Variants in NKTR observed in about 807,000 individuals in gnomAD.
The protein encoded by NKTR is natural killer cell triggering receptor.
A neutral mutation model predicts 156.3 loss-of-function variants in NKTR; 67 were observed. That is an observed-to-expected ratio of 0.43 (90% CI 0.35 to 0.53). The LOEUF is 0.53. NKTR is among the 20% of genes least tolerant of loss of function. The probability of loss-of-function intolerance (pLI) is 0.01; values close to 1 mark genes in which losing one functional copy is unlikely to be tolerated. For missense variants in NKTR, 1,604 were observed against 1,730.9 expected, an observed-to-expected ratio of 0.93 and a Z score of 1.30; for synonymous variants, 640 against 596.6, an observed-to-expected ratio of 1.07 and a Z score of -1.06.
Position 42,646,602 on chromosome 3 carries a change from A to G in NKTR, c.*627A>G, listed in dbSNP as rs2125830945. On this transcript the variant is annotated 3_prime_UTR_variant, in exon 17 of 17. Coordinates refer to ENST00000232978, the MANE Select transcript of NKTR (RefSeq NM_005385.4). ...CTTCAGGCTTGTGGGCAAGGTTAGG[A>G]AGAATCAATCAGCCTTAACTATAAA... is the stretch of plus-strand genomic sequence containing the variant. 1 of 152,782 alleles carries G rather than the reference A, an allele frequency of 6.5e-6. No homozygotes were observed. Among genetic ancestry groups the G allele is most frequent in the East Asian group, 1.9e-4 (1 of 5,182 alleles). 9.5% of individuals were successfully genotyped at this position (152,782 alleles called of 1,614,324 possible).
rs1559577326 is a variant in NKTR, at chr3:42,632,754, C to G, written c.704C>G (p.Ser235Cys). 6.2e-7 allele frequency: 1 copy of G among 1,612,298 alleles called. No homozygotes were observed. ...AAGAGGAGGCCAAAAGTTAAACGTT[C>G]TAAAAAGAGGCGAAAGGAAGCAAGC... ...KHKRRPKVKR[S>C]KKRRKEASSS... The change falls in exon 9 of 17, where the codon TCT becomes TGT. Residue 235 changes from serine to cysteine, a missense_variant. Around this residue, in one of 6 missense-constraint regions of NKTR, gnomAD observed 1,255 missense variants for 1,243.7 expected, o/e 1.01. Coordinates refer to ENST00000232978, the MANE Select transcript of NKTR (RefSeq NM_005385.4).
At chr3:42,629,440 C>G in intron 6 of NKTR, 2 of 950,238 alleles carry the variant, frequency 2.1e-6, no homozygotes, top group South Asian at 4.9e-5. Flanking sequence ...CATTACAAAT[C>G]CTTGTAGAAT....
chr3:42,624,994 C>G (rs1708243297), intron 6 of NKTR, among the ~76,000 whole-genome samples: 1 of 152,042 alleles, frequency 6.6e-6, no homozygotes, highest in Admixed American at 6.6e-5. Context: ...TTTTAGTTTC[C>G]TATGTACCTT....
chr3:42,634,798 C>A, intron 11 of NKTR, 98 bp downstream of exon 11: 1 of 641,798 alleles, frequency 1.6e-6, no homozygotes, highest in Admixed American at 3.2e-5. Context: ...AATACAAAAT[C>A]TGTTCAAGGA....
chr3:42,622,565 AG>A (rs1708013873), intron 6 of NKTR, among the ~76,000 whole-genome samples: 1 of 152,082 alleles, frequency 6.6e-6, no homozygotes, highest in Non-Finnish European at 1.5e-5. Context: ...AGTTCAGATA[AG>A]GGGCATTCTG....
rs1425109677 is a variant in NKTR, at chr3:42,647,053, T to G, written c.*1078T>G. 1 of 152,146 alleles carries G rather than the reference T, an allele frequency of 6.6e-6. No homozygotes were observed. Among genetic ancestry groups the G allele is most frequent in the Non-Finnish European group, 1.5e-5 (1 of 68,040 alleles). The allele number at this position is 152,146 out of a possible 1,614,324, so 9.4% of individuals were successfully genotyped here. On this transcript the variant is annotated 3_prime_UTR_variant, in exon 17 of 17. Transcript: ENST00000232978. The stretch of plus-strand genomic sequence containing the variant: ...CATTTTGCAGGGCTTTCCTTTCAAG[T>G]CTTTCAAGTACAGGATATTACCACA...
chr3:42,611,158 C>T (rs561605312), intron 2 of NKTR: 1 of 152,256 alleles, frequency 6.6e-6, no homozygotes, highest in Non-Finnish European at 1.5e-5. Flanking sequence ...CTTTGATTCT[C>T]TGATCTGCAC....
chr3:42,606,542 A>G (rs1706255241), intron 2 of NKTR, among the ~76,000 whole-genome samples: 2 of 152,198 alleles, frequency 1.3e-5, no homozygotes, highest in South Asian at 4.1e-4. Context: ...ACAGTGCTGT[A>G]AAGTGAAATC....
chr3:42,620,073 T>A (rs1210586727), intron 5 of NKTR: 2 of 1,533,358 alleles, frequency 1.3e-6, no homozygotes, highest in Admixed American at 3.9e-5. Flanking sequence ...TAACACAAAC[T>A]CCAATTCTGT....
intron 6 of NKTR, chr3:42,628,738 A>G (rs1019319557): frequency 1.0e-6 from 1 of 961,920 alleles, no homozygotes; most frequent in African/African-American, 1.8e-5. Flanking sequence ...GTGGTGGCTC[A>G]TGCCTATAAT....
intron 5 of NKTR, 47 bp downstream of exon 5, chr3:42,619,755 A>T: frequency 2.5e-6 from 4 of 1,603,054 alleles, no homozygotes; most frequent in Non-Finnish European, 3.4e-6. Context: ...CTGATATTAA[A>T]GCAAGTTTGA....
At chr3:42,627,855 T>TA (rs1327457576) in intron 6 of NKTR, 1 of 985,288 alleles carries the variant, frequency 1.0e-6, no homozygotes, top group Non-Finnish European at 1.2e-6. Context: ...CACAGCTCTT[T>TA]AAACAGCCGC....
chr3:42,638,506 G>A lies in NKTR; in HGVS notation c.2802G>A (p.Lys934=). 1 of 1,611,756 alleles carries A rather than the reference G, an allele frequency of 6.2e-7. No individual in the cohort carries two copies. Among genetic ancestry groups the A allele is most frequent in the South Asian group, 1.1e-5 (1 of 90,450 alleles). The change falls in exon 13 of 17, where the codon AAG becomes AAA. Residue 934 remains lysine, a synonymous_variant. Coordinates refer to ENST00000232978, the MANE Select transcript of NKTR (RefSeq NM_005385.4). The part of the protein sequence containing the change: ...EIHIKVKPTT[K]SSTNTSLPDD... ...ACATCAAAGTCAAACCCACAACCAA[G>A]TCGTCCACAAATACTTCACTGCCTG...
intron 4 of NKTR, chr3:42,619,425 GTGTTATTAC>G: frequency 1.5e-6 from 2 of 1,320,098 alleles, no homozygotes; most frequent in Non-Finnish European, 2.0e-6. Context: ...AATGTTTTTG[GTGTTATTAC>G]TGTTTGAAAT....
At position 42,637,210 on chromosome 3, in the gene NKTR, A is replaced by T; in HGVS notation, c.1506A>T (p.Lys502Asn). The T allele has an allele frequency of 6.2e-7, 1 of 1,612,046 alleles. No homozygotes were observed. Among genetic ancestry groups the T allele is most frequent in the Non-Finnish European group, 8.5e-7 (1 of 1,179,448 alleles). ...SHHSSKRDWS[K>N]SDKDVQSSLT... ...ACTCATCAAAGAGAGACTGGTCTAA[A>T]TCTGATAAGGATGTCCAGAGCTCTT... The change falls in exon 13 of 17, where the codon AAA becomes AAT. Residue 502 changes from lysine to asparagine, a missense_variant. Lys to Asn is a moderately conservative substitution (Grantham distance 94, BLOSUM62 0). Transcript: ENST00000232978.
chr3:42,638,582 T>C lies in NKTR; in HGVS notation c.2878T>C (p.Ser960Pro). Residue 960 changes from serine (S) to proline (P), a missense_variant, in exon 13 of 17, where the codon TCT (serine) becomes CCT (proline). This residue lies in a region of NKTR where 1,255 missense variants were observed against 1,243.7 expected (regional missense o/e 1.01). Transcript: ENST00000232978. ...SSKQRTSTSD[S>P]EGSCSNSENN... ...CAAACAGCGCACATCAACTTCTGACTCTGAGGGGTCCTGTTCCAATTCGGA... is the reference window on the plus strand; with the variant it reads ...CAAACAGCGCACATCAACTTCTGACCCTGAGGGGTCCTGTTCCAATTCGGA... 1 of 1,614,044 alleles carries C rather than the reference T, an allele frequency of 6.2e-7. No homozygotes were observed. The highest frequency in any genetic ancestry group is 1.1e-5 in the South Asian group (1 of 91,050).
At chr3:42,618,993 ATTTC>A (rs1559561347) in intron 3 of NKTR, 23 bp from the exon 4 acceptor site, 2 of 1,405,844 alleles carry the variant, frequency 1.4e-6, no homozygotes, top group South Asian at 1.3e-5. Flanking sequence ...ATTAAACTTC[ATTTC>A]TTTTTTTTTT....
At position 42,621,453 on chromosome 3, in the gene NKTR, A is replaced by G; in HGVS notation, c.311A>G (p.Asp104Gly). 1 of 1,609,740 alleles carries G rather than the reference A, an allele frequency of 6.2e-7. No individual in the cohort carries two copies. Among genetic ancestry groups the G allele is most frequent in the Non-Finnish European group, 8.5e-7 (1 of 1,177,878 alleles). The change falls in exon 6 of 17, where the codon GAC becomes GGC. Residue 104 changes from aspartate to glycine, a missense_variant. Physicochemically the swap from Asp to Gly is moderately conservative, Grantham distance 94. Transcript: ENST00000232978. Reference protein sequence around the residue: ...FKDENFILKHDRAFLLSMANR... With the variant: ...FKDENFILKHGRAFLLSMANR... The stretch of plus-strand genomic sequence containing the variant: ...GATGAAAACTTTATTCTCAAACATG[A>G]CAGAGCGTTCCTTTTATCAATGGCA...
chr3:42,641,051 C>T (rs1163711633), intron 13 of NKTR, among the ~76,000 whole-genome samples: 1 of 152,162 alleles, frequency 6.6e-6, no homozygotes, highest in Non-Finnish European at 1.5e-5. Flanking sequence ...GACAGCAAGG[C>T]GTAGAAAGGC....
Sources: gnomAD v4.1 joint callset for allele counts (sites outside exome capture counted in the v4.1 genomes callset) on GRCh38, gnomAD v4.1.1 for gene constraint, gnomAD v4.1.1 regional missense constraint, MANE v1.5 for transcripts, NCBI Gene and HGNC (gene_info 2026-07-23, HGNC 2026-07-21) for gene names.